Variants in FBH1 observed in about 807,000 individuals in gnomAD.
FBH1 encodes F-box DNA helicase 1, also known as DNA 3'-5' helicase 1.
Under a neutral mutation model 115.5 loss-of-function variants are expected in FBH1, and 43 were observed. That is an observed-to-expected ratio of 0.37 (90% CI 0.29 to 0.48). FBH1 has a LOEUF of 0.48. Among genes scored for constraint, FBH1 ranks in the 20% least tolerant of loss-of-function variants. The pLI is 0.99. For synonymous variants in FBH1, 524 were observed against 507.8 expected, an observed-to-expected ratio of 1.03 and a Z score of -0.43; for missense variants, 1,001 against 1,337.3, an observed-to-expected ratio of 0.75 and a Z score of 3.92.
chr10:5,932,140 C>T lies in FBH1; in HGVS notation c.2830-4316C>T, dbSNP rs1329328844. On this transcript the variant is annotated intron_variant, in intron 19 of 20. Transcript: ENST00000362091. The surrounding 1 kb of genome is among the most constrained non-coding windows in gnomAD (Gnocchi z 5.9). The stretch of plus-strand genomic sequence containing the variant: ...CCAGCCTGGGTGACAGAGTGAGACC[C>T]TGTCTCAAAAGAAAAGATCAAAACT... 1.3e-5 allele frequency among the ~76,000 whole-genome samples: 2 copies of T among 152,176 alleles called. No homozygotes were observed. The highest frequency in any genetic ancestry group is 2.9e-5 in the Non-Finnish European group (2 of 68,030).
chr10:5,915,519 A>G lies in FBH1; in HGVS notation c.1513A>G (p.Asn505Asp). The G allele has an allele frequency of 6.2e-7, 1 of 1,614,254 alleles. No homozygotes were observed. Reference sequence around the variant, plus strand: ...GCAGGCCGAACGCGTCTTCCCCAGCAACGTCATCTGCAAAACCTTCCACTC... The same window carrying G: ...GCAGGCCGAACGCGTCTTCCCCAGCGACGTCATCTGCAAAACCTTCCACTC... The part of the protein sequence containing the change: ...AKQAERVFPS[N>D]VICKTFHSMA... The change falls in exon 9 of 21, where the codon AAC (asparagine) becomes GAC (aspartate). Residue 505 changes from asparagine (N) to aspartate (D), a missense_variant. Asn to Asp is a conservative substitution (Grantham distance 23). Coordinates refer to ENST00000362091, the MANE Select transcript of FBH1 (RefSeq NM_178150.3). The surrounding 1 kb of genome is among the most constrained non-coding windows in gnomAD (Gnocchi z 5.2).
intron 1 of FBH1, among the ~76,000 whole-genome samples, chr10:5,896,152 C>G (rs1229329604): frequency 6.6e-6 from 1 of 152,190 alleles, no homozygotes; most frequent in Non-Finnish European, 1.5e-5. Context: ...TGGTCCCTTC[C>G]TTTTAGTTCC....
chr10:5,906,007 T>G lies in FBH1; in HGVS notation c.158-30T>G. The G allele has an allele frequency of 1.3e-6, 2 of 1,511,672 alleles. No individual in the cohort carries two copies. The highest frequency in any genetic ancestry group is 1.8e-6 in the Non-Finnish European group (2 of 1,094,046). The allele number at this position is 1,511,672 out of a possible 1,614,324, so 93.6% of individuals were successfully genotyped here. A position where few individuals can be genotyped will look rare whatever the true frequency, so the allele number is the denominator to read the frequency against. ...CAGGTCAACAGTCATCGTTCATTTC[T>G]TGTCCATCCTGTTTGGGTTCTCTCT... On this transcript the variant is annotated intron_variant, in intron 2 of 20. Transcript: ENST00000362091. This position sits in a 1 kb window ranked among gnomAD's most constrained non-coding sequence, Gnocchi z 7.3.
At position 5,890,264 on chromosome 10, in the gene FBH1, C is replaced by G. The variant is rs1228269354; in HGVS notation, c.-82C>G. 5.4e-6 allele frequency: 2 copies of G among 367,106 alleles called. No individual in the cohort carries two copies. The highest frequency in any genetic ancestry group is 2.2e-5 in the African/African-American group (1 of 46,490). 22.7% of individuals were successfully genotyped at this position (367,106 alleles called of 1,614,324 possible). A position where few individuals can be genotyped will look rare whatever the true frequency, so the allele number is the denominator to read the frequency against. ...CCAGGTCCCGGCCAGAGGAGGAGCT[C>G]GCTGCCGGGGGACGCTGGGCTGAGC... On this transcript the variant is annotated 5_prime_UTR_variant, in exon 1 of 21. Transcript: ENST00000362091.
rs1485750709 is a variant in FBH1, at chr10:5,910,315, A to G, written c.1021-623A>G. ...AAAAAGATGAAGATCTGTGTCCACT[A>G]TTGACTGTTTCTGTGTAAGCGAACA... On this transcript the variant is annotated intron_variant, in intron 5 of 20. Transcript: ENST00000362091. This position sits in a 1 kb window ranked among gnomAD's most constrained non-coding sequence, Gnocchi z 4.8. Among the ~76,000 whole-genome samples the G allele has an allele frequency of 1.3e-5, 2 of 152,210 alleles. No individual in the cohort carries two copies. Among genetic ancestry groups the G allele is most frequent in the African/African-American group, 2.4e-5 (1 of 41,532 alleles).
chr10:5,930,204 T>A (rs1033620948), intron 19 of FBH1, among the ~76,000 whole-genome samples: 1 of 152,236 alleles, frequency 6.6e-6, no homozygotes, highest in African/African-American at 2.4e-5. Context: ...ATAAATGTTA[T>A]CATATGTGGC....
chr10:5,916,736 C>T (rs1258725733), intron 10 of FBH1, among the ~76,000 whole-genome samples: 2 of 151,794 alleles, frequency 1.3e-5, no homozygotes, highest in East Asian at 3.9e-4. Context: ...GATGGGCAAA[C>T]AGGGAGTGTG....
chr10:5,915,527 C>T lies in FBH1; in HGVS notation c.1521C>T (p.Ile507=). The part of the protein sequence containing the change: ...QAERVFPSNV[I]CKTFHSMAYG... ...AACGCGTCTTCCCCAGCAACGTCAT[C>T]TGCAAAACCTTCCACTCCATGGCCT... The change falls in exon 9 of 21, where the codon ATC becomes ATT. Residue 507 remains isoleucine (I), a synonymous_variant. Transcript: ENST00000362091. This position sits in a 1 kb window ranked among gnomAD's most constrained non-coding sequence, Gnocchi z 5.2. The T allele has an allele frequency of 6.2e-7, 1 of 1,614,230 alleles. No individual in the cohort carries two copies. Among genetic ancestry groups the T allele is most frequent in the Non-Finnish European group, 8.5e-7 (1 of 1,180,030 alleles).
chr10:5,935,662 A>T lies in FBH1; in HGVS notation c.2830-794A>T, dbSNP rs1833289332. On this transcript the variant is annotated intron_variant, in intron 19 of 20. Coordinates refer to ENST00000362091, the MANE Select transcript of FBH1 (RefSeq NM_178150.3). This position sits in a 1 kb window ranked among gnomAD's most constrained non-coding sequence, Gnocchi z 5.2. ...GTAGGCAGGCCGTCTAAGAGAAAAG[A>T]CCAAATAAATCAAAACGTAGGTTAC... 6.6e-6 allele frequency: 1 copy of T among 152,254 alleles called. No individual in the cohort carries two copies. The highest frequency in any genetic ancestry group is 1.5e-5 in the Non-Finnish European group (1 of 68,044). 9.4% of individuals were successfully genotyped at this position (152,254 alleles called of 1,614,324 possible). A position where few individuals can be genotyped will look rare whatever the true frequency, so the allele number is the denominator to read the frequency against.
In FBH1 at chr10:5,913,978, G is replaced by A; in HGVS notation, c.1304+139G>A. On this transcript the variant is annotated intron_variant, in intron 7 of 20. Coordinates refer to ENST00000362091, the MANE Select transcript of FBH1 (RefSeq NM_178150.3). The surrounding 1 kb of genome is among the most constrained non-coding windows in gnomAD (Gnocchi z 4.4). ...ATTGTGTAAAACTCACCCATCCTAA[G>A]AGTGTGATTCAGTGACATTGCCTGA... 1 of 824,644 alleles carries A rather than the reference G, an allele frequency of 1.2e-6. No individual in the cohort carries two copies. Among genetic ancestry groups the A allele is most frequent in the South Asian group, 1.6e-5 (1 of 63,962 alleles). 51.1% of individuals were successfully genotyped at this position (824,644 alleles called of 1,614,324 possible). A position where few individuals can be genotyped will look rare whatever the true frequency, so the allele number is the denominator to read the frequency against.
In FBH1 at chr10:5,911,580, T is replaced by C. The variant is rs2131968702; in HGVS notation, c.1211+452T>C. Reference sequence around the variant, plus strand: ...ATTCACAGGGGCCCCGATGGTTTCCTCAGCAGGGTGGGGAGTGCCTGGGGG... The same window carrying C: ...ATTCACAGGGGCCCCGATGGTTTCCCCAGCAGGGTGGGGAGTGCCTGGGGG... On this transcript the variant is annotated intron_variant, in intron 6 of 20. Transcript: ENST00000362091. The surrounding 1 kb of genome is among the most constrained non-coding windows in gnomAD (Gnocchi z 5.4). Among the ~76,000 whole-genome samples the C allele has an allele frequency of 6.6e-6, 1 of 152,240 alleles. No individual in the cohort carries two copies. Among genetic ancestry groups the C allele is most frequent in the Admixed American group, 6.5e-5 (1 of 15,302 alleles).
At position 5,911,373 on chromosome 10, in the gene FBH1, C is replaced by T. The variant is rs1311902033; in HGVS notation, c.1211+245C>T. Reference sequence around the variant, plus strand: ...GAGATACCACTAAGGCTGATTTTACCATCATGGGTCCTGCAGCCTTAGGGG... The same window carrying T: ...GAGATACCACTAAGGCTGATTTTACTATCATGGGTCCTGCAGCCTTAGGGG... On this transcript the variant is annotated intron_variant, in intron 6 of 20. Transcript: ENST00000362091. The surrounding 1 kb of genome is among the most constrained non-coding windows in gnomAD (Gnocchi z 5.4). Among the ~76,000 whole-genome samples the T allele has an allele frequency of 6.6e-6, 1 of 152,236 alleles. No individual in the cohort carries two copies.
Position 5,917,471 on chromosome 10 carries a change from G to T in FBH1, c.1840G>T (p.Glu614Ter). 1 of 1,614,248 alleles carries T rather than the reference G, an allele frequency of 6.2e-7. No individual in the cohort carries two copies. Among genetic ancestry groups the T allele is most frequent in the Non-Finnish European group, 8.5e-7 (1 of 1,180,052 alleles). ...CTGGGATAACATGCGGAAGCTGGGG[G>T]AGTGCACAGAAGAGGCGCACCAGAT... ...RLWDNMRKLG[E>*]CTEEAHQMTH... Residue 614 changes from glutamate (E) to a stop codon, truncating the protein, a stop_gained, in exon 11 of 21, where the codon GAG (glutamate) becomes TAG (stop). Coordinates refer to ENST00000362091, the MANE Select transcript of FBH1 (RefSeq NM_178150.3). LOFTEE classifies it high-confidence loss of function. The surrounding 1 kb of genome is among the most constrained non-coding windows in gnomAD (Gnocchi z 5.6).
Position 5,903,033 on chromosome 10 carries a change from G to A in FBH1, c.15G>A (p.Lys5=). Residue 5 remains lysine (K), a synonymous_variant, in exon 2 of 21, where the codon AAG becomes AAA. Transcript: ENST00000362091. MRRF[K]RKHLTAIDCQ... ...GGTATGAAACAGTGAGACGGTTTAA[G>A]CGGAAGCATCTTACTGCCATTGACT... 1 of 1,612,116 alleles carries A rather than the reference G, an allele frequency of 6.2e-7. No homozygotes were observed.
At position 5,924,357 on chromosome 10, in the gene FBH1, A is replaced by G. The variant is rs766224037; in HGVS notation, c.2445A>G (p.Lys815=). ...AATTTATCAGAAGATGGGTGCACAA[A>G]GAAGGCTTTAGTGGCTTCAAGAGGT... The part of the protein sequence containing the change: ...KDKFIRRWVH[K]EGFSGFKRYV... Residue 815 remains lysine (K), a synonymous_variant, in exon 17 of 21, where the codon AAA becomes AAG. Coordinates refer to ENST00000362091, the MANE Select transcript of FBH1 (RefSeq NM_178150.3). The surrounding 1 kb of genome is among the most constrained non-coding windows in gnomAD (Gnocchi z 6.2). 6.2e-7 allele frequency: 1 copy of G among 1,614,254 alleles called. No homozygotes were observed. Among genetic ancestry groups the G allele is most frequent in the Non-Finnish European group, 8.5e-7 (1 of 1,180,040 alleles).
chr10:5,894,433 A>G (rs1842897189), intron 1 of FBH1: 2 of 1,588,994 alleles, frequency 1.3e-6, no homozygotes, highest in Non-Finnish European at 1.7e-6. Flanking sequence ...CACAGTAGGA[A>G]GTGCACTGGA....
In FBH1 at chr10:5,925,576, T is replaced by G; in HGVS notation, c.2722+84T>G. On this transcript the variant is annotated intron_variant, in intron 18 of 20. Transcript: ENST00000362091. The surrounding 1 kb of genome is among the most constrained non-coding windows in gnomAD (Gnocchi z 4.6). ...GCTTCCTTTGCACGGCCTTGTTGTT[T>G]GTTGGATGGTGTGGCCTCCTGGTAG... 6.4e-7 allele frequency: 1 copy of G among 1,566,772 alleles called. No homozygotes were observed. The highest frequency in any genetic ancestry group is 8.7e-7 in the Non-Finnish European group (1 of 1,154,848).
chr10:5,918,483 G>A lies in FBH1; in HGVS notation c.2100+5G>A. On this transcript the variant is annotated splice_donor_5th_base_variant and intron_variant, in intron 13 of 20. Coordinates refer to ENST00000362091, the MANE Select transcript of FBH1 (RefSeq NM_178150.3). The surrounding 1 kb of genome is among the most constrained non-coding windows in gnomAD (Gnocchi z 4.0). Reference sequence around the variant, plus strand: ...CACGTCTTCTATCTCACGCAGGTAAGTGCGCACTCTGCATGGGAGGCATTG... The same window carrying A: ...CACGTCTTCTATCTCACGCAGGTAAATGCGCACTCTGCATGGGAGGCATTG... The A allele has an allele frequency of 6.3e-7, 1 of 1,587,590 alleles. No homozygotes were observed.
At position 5,937,320 on chromosome 10, in the gene FBH1, C is replaced by A. The variant is rs201627258; in HGVS notation, c.*40C>A. 6.8e-7 allele frequency: 1 copy of A among 1,462,614 alleles called. No individual in the cohort carries two copies. The highest frequency in any genetic ancestry group is 9.1e-7 in the Non-Finnish European group (1 of 1,099,792). The allele number at this position is 1,462,614 out of a possible 1,614,324, so 90.6% of individuals were successfully genotyped here. ...TTCTCCGCAGTGCAGAGCAGCTTGC[C>A]GAGGACCCCGCGTGAAGAAAGCCAG... On this transcript the variant is annotated 3_prime_UTR_variant, in exon 21 of 21. Coordinates refer to ENST00000362091, the MANE Select transcript of FBH1 (RefSeq NM_178150.3).
Sources: gnomAD v4.1 joint callset for allele counts (sites outside exome capture counted in the v4.1 genomes callset) on GRCh38, gnomAD v4.1.1 for gene constraint, Gnocchi (gnomAD v3.1) non-coding constraint, MANE v1.5 for transcripts, NCBI Gene and HGNC (gene_info 2026-07-23, HGNC 2026-07-21) for gene names.